BMPR1A: variants seen among roughly 807,000 people sequenced by gnomAD.
BMPR1A encodes the protein bone morphogenetic protein receptor type 1A, also known as bone morphogenetic protein receptor type-1A.
In BMPR1A, 7 loss-of-function variants were observed where a neutral mutation model predicts 66.0. The ratio of observed to expected loss-of-function variants is 0.11; its 90% confidence interval spans 0.06 to 0.20. The LOEUF (loss-of-function observed/expected upper bound fraction) is 0.20, where lower values mean the gene tolerates loss of function less well. Ranked by LOEUF, BMPR1A falls within the 10% of genes least tolerant of loss-of-function variation. BMPR1A has a pLI of 1.00. For missense variants in BMPR1A, 408 were observed against 669.1 expected (o/e 0.61, Z 4.31); for synonymous variants, 200 against 229.7 (o/e 0.87, Z 1.17).
chr10:86,792,855 C>T (rs1485264860), intron 1 of BMPR1A, among the ~76,000 whole-genome samples: 1 of 152,088 alleles, frequency 6.6e-6, no homozygotes, highest in Non-Finnish European at 1.5e-5. Flanking sequence ...TTACAGTGAC[C>T]TTGCTAAATT....
intron 1 of BMPR1A, among the ~76,000 whole-genome samples, chr10:86,793,093 T>C (rs1841652689): frequency 7.7e-6 from 1 of 129,970 alleles, no homozygotes; most frequent in Admixed American, 7.6e-5. Context: ...TCCTGATCTA[T>C]ACCCCCCCCC....
chr10:86,842,634 T>C (rs1487785486), intron 2 of BMPR1A, among the ~76,000 whole-genome samples: 1 of 152,180 alleles, frequency 6.6e-6, no homozygotes, highest in Non-Finnish European at 1.5e-5. Context: ...AAAATTAATA[T>C]GATGGTTGTG....
At chr10:86,845,600 G>A (rs936577724) in intron 2 of BMPR1A, among the ~76,000 whole-genome samples, 3 of 152,182 alleles carry the variant, frequency 2.0e-5, no homozygotes, top group Non-Finnish European at 4.4e-5. Context: ...AGAGCACCAC[G>A]AAGGTCTGCT....
chr10:86,875,758 G>T (rs1589756894), intron 2 of BMPR1A, 109 bp from the exon 3 acceptor site: 10 of 497,240 alleles, frequency 2.0e-5, no homozygotes, highest in East Asian at 6.7e-5. Context: ...CTTTTAAAAT[G>T]TATTTCATTG....
At chr10:86,769,852 A>G (rs1310277653) in intron 1 of BMPR1A, among the ~76,000 whole-genome samples, 1 of 152,186 alleles carries the variant, frequency 6.6e-6, no homozygotes, top group Non-Finnish European at 1.5e-5. Context: ...ATTTGAGCAA[A>G]GGATAAGGAA....
In BMPR1A at chr10:86,826,411, A is replaced by AACACACACACACAC. The variant is rs34389289; in HGVS notation, c.-267-12437_-267-12424dup. 4.6e-3 allele frequency among the ~76,000 whole-genome samples: 676 copies of AACACACACACACAC among 147,086 alleles called. 3 individuals carry two copies. The highest frequency in any genetic ancestry group is 8.8e-3 in the South Asian group (40 of 4,564). On this transcript the variant is annotated intron_variant, in intron 1 of 12. Transcript: ENST00000372037. The stretch of plus-strand genomic sequence containing the variant: ...ATTTGATCCAGAAACCAATCAAGGA[A>AACACACACACACAC]ACACACACACACACACACACACACA...
intron 1 of BMPR1A, among the ~76,000 whole-genome samples, chr10:86,793,594 C>T (rs767248917): frequency 6.6e-6 from 1 of 152,110 alleles, no homozygotes; most frequent in Non-Finnish European, 1.5e-5. Context: ...AGGTGATCTG[C>T]CTGCCTCGGC....
chr10:86,860,554 G>A (rs968429931), intron 2 of BMPR1A, among the ~76,000 whole-genome samples: 3 of 152,022 alleles, frequency 2.0e-5, no homozygotes, highest in Non-Finnish European at 4.4e-5. Context: ...TGGATCACCC[G>A]AGATCAAGAG....
intron 2 of BMPR1A, among the ~76,000 whole-genome samples, chr10:86,861,357 C>T (rs1842712500): frequency 6.6e-6 from 1 of 152,166 alleles, no homozygotes. Flanking sequence ...GTTTTCTATG[C>T]TGTCCTTTTT....
chr10:86,837,328 C>T (rs968379799), intron 1 of BMPR1A, among the ~76,000 whole-genome samples: 20 of 151,180 alleles, frequency 1.3e-4, no homozygotes, highest in Admixed American at 1.3e-3. Flanking sequence ...CCTCAGCCTC[C>T]CAAAGTGCTG....
intron 7 of BMPR1A, among the ~76,000 whole-genome samples, chr10:86,909,653 A>G (rs1176154202): frequency 2.6e-5 from 4 of 152,228 alleles, no homozygotes; most frequent in South Asian, 4.1e-4. Context: ...AAAAGTCACA[A>G]TTCTTTATTC....
At chr10:86,761,544 G>T (rs767990451) in intron 1 of BMPR1A, among the ~76,000 whole-genome samples, 50 of 152,198 alleles carry the variant, frequency 3.3e-4, no homozygotes, top group Admixed American at 7.9e-4. Context: ...CTTGTAGGAA[G>T]GTCTTTCTGG....
At chr10:86,871,299 T>C (rs538254421) in intron 2 of BMPR1A, among the ~76,000 whole-genome samples, 6 of 152,338 alleles carry the variant, frequency 3.9e-5, no homozygotes, top group African/African-American at 1.2e-4. Context: ...CATTTGTGTT[T>C]TCTTGTTTGG....
At chr10:86,870,213 A>G (rs1272722823) in intron 2 of BMPR1A, among the ~76,000 whole-genome samples, 2 of 152,072 alleles carry the variant, frequency 1.3e-5, no homozygotes, top group African/African-American at 2.4e-5. Flanking sequence ...TCAGCCCCAA[A>G]TGTGTCCTTT....
At chr10:86,806,286 T>C (rs970850069) in intron 1 of BMPR1A, among the ~76,000 whole-genome samples, 18 of 152,188 alleles carry the variant, frequency 1.2e-4, no homozygotes, top group African/African-American at 4.3e-4. Flanking sequence ...TTCCCTCTTG[T>C]AACTAGTAAG....
At chr10:86,869,117 T>A (rs1415413213) in intron 2 of BMPR1A, among the ~76,000 whole-genome samples, 3 of 152,174 alleles carry the variant, frequency 2.0e-5, no homozygotes, top group Non-Finnish European at 4.4e-5. Context: ...CATTTAGGAA[T>A]TTAAAAAATA....
intron 1 of BMPR1A, among the ~76,000 whole-genome samples, chr10:86,802,511 G>A (rs1057080228): frequency 3.9e-5 from 6 of 151,956 alleles, no homozygotes; most frequent in Admixed American, 1.3e-4. Context: ...AAAATTTGAC[G>A]TGGGATGTCA....
At chr10:86,877,771 G>T (rs1842937932) in intron 3 of BMPR1A, among the ~76,000 whole-genome samples, 1 of 152,130 alleles carries the variant, frequency 6.6e-6, no homozygotes, top group Non-Finnish European at 1.5e-5. Context: ...TAAATTCATA[G>T]TAATATTATA....
intron 7 of BMPR1A, among the ~76,000 whole-genome samples, chr10:86,901,273 C>G (rs1843306335): frequency 6.6e-6 from 1 of 152,210 alleles, no homozygotes; most frequent in Non-Finnish European, 1.5e-5. Context: ...CAAGTCACTC[C>G]TGAATGCATG....
Sources: allele counts gnomAD v4.1 joint callset (sites outside exome capture counted in the v4.1 genomes callset), GRCh38; gene constraint gnomAD v4.1.1; transcripts MANE v1.5; gene names NCBI Gene and HGNC (gene_info 2026-07-23, HGNC 2026-07-21).